The following FAM216A variants were observed in gnomAD, a reference collection of about 807,000 sequenced individuals.
The protein encoded by FAM216A is protein FAM216A.
In FAM216A, 26 loss-of-function variants were observed where a neutral mutation model predicts 37.6. The ratio of observed to expected loss-of-function variants is 0.69; its 90% confidence interval spans 0.51 to 0.96. The LOEUF is 0.96. Ranked by LOEUF, FAM216A falls within the 40% of genes least tolerant of loss-of-function variation. The pLI is 0.00. For missense variants in FAM216A, 326 were observed against 339.3 expected (o/e 0.96, Z 0.31); for synonymous variants, 110 against 121.7 (o/e 0.90, Z 0.64).
chr12:110,477,292 G>C (rs2062719554), intron 2 of FAM216A, among the ~76,000 whole-genome samples: 1 of 152,174 alleles, frequency 6.6e-6, no homozygotes, highest in South Asian at 2.1e-4. Flanking sequence ...TATACTTTGA[G>C]ACTTTGTATA....
In FAM216A at chr12:110,490,361, C is replaced by T. The variant is rs2062805199; in HGVS notation, c.*224C>T. ...ATATACTTGTACTTCTAGCTAGATA[C>T]AATTAAAACTTTTCTTGCATTCAAT... is the stretch of plus-strand genomic sequence containing the variant. On this transcript the variant is annotated 3_prime_UTR_variant, in exon 7 of 7. Coordinates refer to ENST00000377673, the MANE Select transcript of FAM216A (RefSeq NM_013300.3). The T allele has an allele frequency of 2.2e-6, 1 of 455,636 alleles. No homozygotes were observed. Among genetic ancestry groups the T allele is most frequent in the Admixed American group, 4.2e-5 (1 of 23,966 alleles). 28.2% of individuals were successfully genotyped at this position (455,636 alleles called of 1,614,324 possible).
rs746254105 is a variant in FAM216A at position 110,486,316 on chromosome 12, G to A, written c.307-9G>A. On this transcript the variant is annotated splice_polypyrimidine_tract_variant and intron_variant, in intron 3 of 6. Transcript: ENST00000377673. ...TGCAGACTATAAATCCTCTTATTCT[G>A]TCTTTTAGCATCCAGACCTCACCAC... 15 of 1,590,904 alleles carry A rather than the reference G, an allele frequency of 9.4e-6. No individual in the cohort carries two copies. Among genetic ancestry groups the A allele is most frequent in the Non-Finnish European group, 1.2e-5 (14 of 1,166,006 alleles).
At chr12:110,479,422 G>A (rs1439722641) in intron 2 of FAM216A, among the ~76,000 whole-genome samples, 1 of 151,786 alleles carries the variant, frequency 6.6e-6, no homozygotes, top group East Asian at 1.9e-4. Context: ...CATATTAATA[G>A]GTAACTCGTC....
chr12:110,473,219 C>CT (rs367919339), intron 2 of FAM216A, 101 bp downstream of exon 2: 38,604 of 499,800 alleles, frequency 0.077, 931 homozygotes, highest in Middle Eastern at 0.094. Context: ...TTTCTTTTTT[C>CT]TTTTTTTTTT....
intron 5 of FAM216A, 72 bp downstream of exon 5, chr12:110,486,789 TTC>T (rs2062779642): frequency 3.7e-6 from 5 of 1,359,450 alleles, no homozygotes; most frequent in Non-Finnish European, 4.1e-6. Flanking sequence ...CAGGGTTTTG[TTC>T]TCTCACCCAG....
At chr12:110,468,689 A>G, upstream of FAM216A, 1 of 1,528,530 alleles carries the variant, frequency 6.5e-7, no homozygotes, top group South Asian at 1.2e-5. Flanking sequence ...CAAACGTGCA[A>G]ACGCTCAGCG....
Position 110,485,158 on chromosome 12 carries a change from A to C in FAM216A, c.265A>C (p.Ile89Leu). 2.5e-6 allele frequency: 4 copies of C among 1,612,816 alleles called. No individual in the cohort carries two copies. The highest frequency in any genetic ancestry group is 1.3e-5 in the African/African-American group (1 of 74,954). Residue 89 changes from isoleucine to leucine, a missense_variant, in exon 3 of 7, where the codon ATC (isoleucine) becomes CTC (leucine). Physicochemically the swap from Ile to Leu is conservative, Grantham distance 5 (BLOSUM62 2). Transcript: ENST00000377673. ...ELWKTPQNQT[I>L]HLSKSMMEAS... ...ATGGAAAACTCCCCAAAATCAAACA[A>C]TCCACCTCTCTAAATCAATGATGGA...
intron 3 of FAM216A, 106 bp downstream of exon 3, chr12:110,485,305 G>T: frequency 2.9e-5 from 26 of 902,992 alleles, no homozygotes; most frequent in Non-Finnish European, 4.1e-5. Flanking sequence ...AGATGACAAG[G>T]CATATGCAGT....
intron 2 of FAM216A, among the ~76,000 whole-genome samples, chr12:110,477,377 G>C (rs539791450): frequency 5.9e-5 from 9 of 152,148 alleles, no homozygotes; most frequent in Non-Finnish European, 1.2e-4. Context: ...TTTTGAGACG[G>C]AGTCTCGCAC....
At chr12:110,489,754 C>T (rs750946435) in intron 6 of FAM216A, among the ~76,000 whole-genome samples, 28 of 152,164 alleles carry the variant, frequency 1.8e-4, no homozygotes, top group Admixed American at 3.3e-4. Context: ...ACTTTAATTT[C>T]CCCCAACTGA....
chr12:110,489,230 C>T (rs554989996), intron 6 of FAM216A, among the ~76,000 whole-genome samples: 43 of 152,250 alleles, frequency 2.8e-4, no homozygotes, highest in African/African-American at 9.9e-4. Context: ...GTTGGCCAGG[C>T]GCAGTGGCTC....
At chr12:110,486,795 C>A in intron 5 of FAM216A, 78 bp downstream of exon 5, 1 of 1,310,574 alleles carries the variant, frequency 7.6e-7, no homozygotes, top group Non-Finnish European at 1.1e-6. Flanking sequence ...TTTGTTCTCT[C>A]ACCCAGGCTG....
chr12:110,468,661 T>C (rs2062656257), upstream of FAM216A: 1 of 1,536,736 alleles, frequency 6.5e-7, no homozygotes, highest in Non-Finnish European at 8.7e-7. Context: ...TGTGACGCAC[T>C]GCTTCCACAG....
At chr12:110,473,149 T>A in intron 2 of FAM216A, 31 bp downstream of exon 2, 1 of 1,297,366 alleles carries the variant, frequency 7.7e-7, no homozygotes, top group Non-Finnish European at 1.1e-6. Flanking sequence ...AGATAATACT[T>A]ATAAGTAACA....
intron 1 of FAM216A, 147 bp downstream of exon 1, chr12:110,469,165 C>T: frequency 1.0e-6 from 1 of 982,930 alleles, no homozygotes; most frequent in Non-Finnish European, 1.4e-6. Flanking sequence ...AGGCGGGGAG[C>T]AGTTTTGTTG....
chr12:110,471,814 A>C (rs1002263541), intron 1 of FAM216A, among the ~76,000 whole-genome samples: 2 of 152,248 alleles, frequency 1.3e-5, no homozygotes, highest in Non-Finnish European at 2.9e-5. Flanking sequence ...TTGGTCATTG[A>C]ATAAATTGCA....
intron 2 of FAM216A, among the ~76,000 whole-genome samples, chr12:110,477,547 G>A (rs1169569146): frequency 3.3e-5 from 5 of 151,580 alleles, no homozygotes; most frequent in Non-Finnish European, 7.4e-5. Flanking sequence ...TAGTAGAGAC[G>A]GGGTCTCACT....
In FAM216A at chr12:110,468,951, G is replaced by T; in HGVS notation, c.76G>T (p.Asp26Tyr). The T allele has an allele frequency of 6.6e-7, 1 of 1,526,032 alleles. No individual in the cohort carries two copies. Among genetic ancestry groups the T allele is most frequent in the Non-Finnish European group, 8.8e-7 (1 of 1,140,518 alleles). 94.5% of individuals were successfully genotyped at this position (1,526,032 alleles called of 1,614,324 possible). The change falls in exon 1 of 7, where the codon GAC (aspartate) becomes TAC (tyrosine). Residue 26 changes from aspartate to tyrosine, a missense_variant. Physicochemically the swap from Asp to Tyr is radical, Grantham distance 160. Coordinates refer to ENST00000377673, the MANE Select transcript of FAM216A (RefSeq NM_013300.3). ...GATGCCCGGCCAGGGTCCGGGGTCC[G>T]ACTGGACGGAGCGTAGCTCTTCTGC... ...AEMPGQGPGS[D>Y]WTERSSSAEP...
At chr12:110,474,691 C>CAAAA (rs34479591) in intron 2 of FAM216A, among the ~76,000 whole-genome samples, 3 of 44,850 alleles carry the variant, frequency 6.7e-5, no homozygotes, top group Admixed American at 3.1e-4. Context: ...GACTCTGTCT[C>CAAAA]AAAAAAAAAA....
Sources: gnomAD v4.1 joint callset for allele counts (sites outside exome capture counted in the v4.1 genomes callset) on GRCh38, gnomAD v4.1.1 for gene constraint, MANE v1.5 for transcripts, NCBI Gene and HGNC (gene_info 2026-07-23, HGNC 2026-07-21) for gene names.